Variants in NRG3 observed in about 807,000 individuals in gnomAD.
NRG3 encodes neuregulin 3, also known as pro-neuregulin-3, membrane-bound isoform.
In NRG3, 31 loss-of-function variants were observed where a neutral mutation model predicts 66.9. The observed-to-expected ratio is 0.46, with a 90% CI of 0.35 to 0.63. The LOEUF (loss-of-function observed/expected upper bound fraction) is 0.63, where lower values mean the gene tolerates loss of function less well. Among genes scored for constraint, NRG3 ranks in the 20% least tolerant of loss-of-function variants. NRG3 has a pLI of 0.00. For missense variants in NRG3, 910 were observed against 878.9 expected, an observed-to-expected ratio of 1.04 and a Z score of -0.45; for synonymous variants, 393 against 359.4, an observed-to-expected ratio of 1.09 and a Z score of -1.06.
chr10:82,365,034 G>T (rs543358679), intron 2 of NRG3, among the ~76,000 whole-genome samples: 2 of 152,274 alleles, frequency 1.3e-5, no homozygotes, highest in South Asian at 2.1e-4. Context: ...ATTTTTAAGA[G>T]AATTGATTGG....
At chr10:82,220,196 G>A (rs938236172) in intron 1 of NRG3, among the ~76,000 whole-genome samples, 10 of 152,070 alleles carry the variant, frequency 6.6e-5, no homozygotes, top group Non-Finnish European at 1.5e-4. Flanking sequence ...CTGTGTGTGT[G>A]TGTGTGTGTG....
chr10:82,718,003 G>T (rs2057079009), intron 2 of NRG3, among the ~76,000 whole-genome samples: 1 of 152,096 alleles, frequency 6.6e-6, no homozygotes, highest in Non-Finnish European at 1.5e-5. Flanking sequence ...CCGAAAAGGA[G>T]ACTGACTCCA....
chr10:81,876,082 C>A lies in NRG3; in HGVS notation c.742C>A (p.Gln248Lys). 6.2e-7 allele frequency: 1 copy of A among 1,613,740 alleles called. No individual in the cohort carries two copies. The highest frequency in any genetic ancestry group is 8.5e-7 in the Non-Finnish European group (1 of 1,179,958). Residue 248 changes from glutamine to lysine, a missense_variant, in exon 1 of 9, where the codon CAG (glutamine) becomes AAG (lysine). Coordinates refer to ENST00000372141, the MANE Select transcript of NRG3 (RefSeq NM_001010848.4). ...STPSWTLSPF[Q>K]DAASSSSSSS... is the part of the protein sequence containing the mutation. ...TCCCTCCTGGACCCTGTCTCCCTTT[C>A]AGGATGCTGCCTCCTCTTCTTCCTC...
At chr10:82,265,153 C>T (rs1300894180) in intron 1 of NRG3, among the ~76,000 whole-genome samples, 1 of 152,074 alleles carries the variant, frequency 6.6e-6, no homozygotes. Flanking sequence ...AAATTGGGGC[C>T]GCCAGTGCCA....
In NRG3 at chr10:82,363,443, T is replaced by TTTTGTTTG. The variant is rs3068953; in HGVS notation, c.953+4595_953+4602dup. 3.0e-3 allele frequency among the ~76,000 whole-genome samples: 452 copies of TTTTGTTTG among 151,892 alleles called. 2 individuals are homozygous for TTTTGTTTG. The highest frequency in any genetic ancestry group is 8.0e-3 in the African/African-American group (333 of 41,434). ...TATGTTTTAAAAGCCTTATACTGTT[T>TTTTGTTTG]TTTGTTTGTTTGTTTGTTTGTTTGT... On this transcript the variant is annotated intron_variant, in intron 2 of 8. Transcript: ENST00000372141.
At chr10:82,362,333 ATGTGTGTGTGTGTGTGTGTG>A (rs56996997) in intron 2 of NRG3, among the ~76,000 whole-genome samples, 8 of 135,896 alleles carry the variant, frequency 5.9e-5, no homozygotes, top group South Asian at 2.4e-4. Flanking sequence ...GTATATATAT[ATGTGTGTGTGTGTGTGTGTG>A]TGTGTGTGTG....
intron 1 of NRG3, among the ~76,000 whole-genome samples, chr10:82,273,284 G>A (rs575085268): frequency 2.6e-5 from 4 of 151,866 alleles, no homozygotes; most frequent in South Asian, 2.1e-4. Flanking sequence ...GAGCACATTC[G>A]CTGAAGCTCT....
chr10:82,563,993 TAAAC>T (rs974027992), intron 2 of NRG3, among the ~76,000 whole-genome samples: 9 of 152,150 alleles, frequency 5.9e-5, no homozygotes, highest in Non-Finnish European at 1.2e-4. Context: ...TCAATGATAT[TAAAC>T]AAATTAAAAT....
intron 2 of NRG3, among the ~76,000 whole-genome samples, chr10:82,545,702 C>A (rs1286042486): frequency 6.7e-6 from 1 of 150,026 alleles, no homozygotes; most frequent in African/African-American, 2.5e-5. Flanking sequence ...TTTTTAAACT[C>A]CTGTGCATCA....
chr10:81,895,446 A>G (rs555978012), intron 1 of NRG3, among the ~76,000 whole-genome samples: 3 of 152,294 alleles, frequency 2.0e-5, no homozygotes, highest in African/African-American at 7.2e-5. Flanking sequence ...GGGAACCCCT[A>G]CCAATTTAAT....
chr10:81,978,589 A>G (rs1181224571), intron 1 of NRG3, among the ~76,000 whole-genome samples: 2 of 152,190 alleles, frequency 1.3e-5, no homozygotes, highest in Non-Finnish European at 2.9e-5. Flanking sequence ...ATATTTCTCT[A>G]TACATACTCC....
chr10:82,440,084 A>G (rs1359674943), intron 2 of NRG3, among the ~76,000 whole-genome samples: 2 of 151,968 alleles, frequency 1.3e-5, no homozygotes, highest in African/African-American at 4.8e-5. Context: ...GCATTAGGAC[A>G]TTTTCTAATG....
At chr10:82,024,323 T>C (rs2062196366) in intron 1 of NRG3, among the ~76,000 whole-genome samples, 1 of 151,874 alleles carries the variant, frequency 6.6e-6, no homozygotes. Flanking sequence ...TTGTTATTTT[T>C]GTATCCTTAA....
At chr10:82,453,154 T>C (rs369354002) in intron 2 of NRG3, among the ~76,000 whole-genome samples, 1 of 152,130 alleles carries the variant, frequency 6.6e-6, no homozygotes, top group Non-Finnish European at 1.5e-5. Flanking sequence ...TATTATTATA[T>C]GGGATTATAT....
At chr10:82,646,951 C>CT (rs11442150) in intron 2 of NRG3, among the ~76,000 whole-genome samples, 6,255 of 130,922 alleles carry the variant, frequency 0.048, 383 homozygotes, top group African/African-American at 0.15. Flanking sequence ...TTTTGCATTT[C>CT]TTTTTTTTTT....
At chr10:82,076,496 G>A (rs959224656) in intron 1 of NRG3, among the ~76,000 whole-genome samples, 5 of 152,160 alleles carry the variant, frequency 3.3e-5, no homozygotes, top group African/African-American at 4.8e-5. Context: ...GCTTGTTTCC[G>A]TCAAATCTCA....
chr10:82,752,255 T>A (rs2058896424), intron 3 of NRG3, among the ~76,000 whole-genome samples: 1 of 152,180 alleles, frequency 6.6e-6, no homozygotes, highest in South Asian at 2.1e-4. Flanking sequence ...TTCACATGGT[T>A]CAGTATCAAA....
chr10:82,561,099 C>T (rs2045010210), intron 2 of NRG3, among the ~76,000 whole-genome samples: 1 of 152,006 alleles, frequency 6.6e-6, no homozygotes. Context: ...GATAAAGTGT[C>T]CATCTCTTCC....
chr10:82,179,552 C>T (rs981195821), intron 1 of NRG3, among the ~76,000 whole-genome samples: 7 of 151,952 alleles, frequency 4.6e-5, no homozygotes, highest in African/African-American at 7.2e-5. Flanking sequence ...GATTATTTGA[C>T]GATAAATGCA....
Sources: gnomAD v4.1 joint callset for allele counts (sites outside exome capture counted in the v4.1 genomes callset) on GRCh38, gnomAD v4.1.1 for gene constraint, MANE v1.5 for transcripts, NCBI Gene and HGNC (gene_info 2026-07-23, HGNC 2026-07-21) for gene names.